The following UBAP2L variants were observed in gnomAD, a reference collection of about 807,000 sequenced individuals.
UBAP2L encodes the protein ubiquitin associated protein 2 like, also known as ubiquitin-associated protein 2-like.
In UBAP2L, 12 loss-of-function variants were observed where a neutral mutation model predicts 130.6. The observed-to-expected ratio is 0.09, with a 90% CI of 0.06 to 0.15. UBAP2L has a LOEUF of 0.15. Ranked by LOEUF, UBAP2L falls within the 10% of genes least tolerant of loss-of-function variation. The pLI, the probability that UBAP2L is intolerant of heterozygous loss-of-function variation, is 1.00. For missense variants in UBAP2L, 965 were observed against 1,332.5 expected (o/e 0.72, Z 4.29); for synonymous variants, 503 against 524.7 (o/e 0.96, Z 0.57).
intron 8 of UBAP2L, 68 bp downstream of exon 8, chr1:154,237,204 C>T (rs1352136675): frequency 2.9e-6 from 4 of 1,391,652 alleles, no homozygotes; most frequent in South Asian, 1.2e-5. Flanking sequence ...TCTGATTATA[C>T]TTACATTAAA....
chr1:154,271,200 A>G, downstream of UBAP2L: 1 of 403,314 alleles, frequency 2.5e-6, no homozygotes, highest in Non-Finnish European at 4.4e-6. Context: ...AGGATCAAGA[A>G]GGAGCTGAGA....
At chr1:154,271,043 T>TATA, downstream of UBAP2L, 1 of 1,170,186 alleles carries the variant, frequency 8.5e-7, no homozygotes, top group Non-Finnish European at 1.2e-6. Flanking sequence ...TTGAGGGGAT[T>TATA]TCCTTCCCCT....
intron 8 of UBAP2L, among the ~76,000 whole-genome samples, chr1:154,238,763 CAGAG>C (rs1405269336): frequency 1.3e-5 from 2 of 151,844 alleles, no homozygotes; most frequent in African/African-American, 4.8e-5. Context: ...TTTTTTGAGA[CAGAG>C]TCTTGCTCTG....
chr1:154,250,897 A>T (rs1677393815), intron 12 of UBAP2L, 144 bp from the exon 13 acceptor site: 7 of 762,124 alleles, frequency 9.2e-6, no homozygotes, highest in Non-Finnish European at 1.4e-5. Flanking sequence ...CACCTATAGA[A>T]ATGAGATTAA....
chr1:154,230,460 G>C (rs1194620056), intron 4 of UBAP2L, among the ~76,000 whole-genome samples: 2 of 152,168 alleles, frequency 1.3e-5, no homozygotes, highest in African/African-American at 4.8e-5. Flanking sequence ...TGTTATCCTG[G>C]ATTAAATTTT....
chr1:154,265,398 C>G (rs924832055), intron 24 of UBAP2L, among the ~76,000 whole-genome samples: 1 of 152,128 alleles, frequency 6.6e-6, no homozygotes, highest in Non-Finnish European at 1.5e-5. Context: ...TGGGAAGGAT[C>G]CAAGGGCATA....
chr1:154,237,613 A>G (rs1045962621), intron 8 of UBAP2L, among the ~76,000 whole-genome samples: 1 of 152,222 alleles, frequency 6.6e-6, no homozygotes, highest in African/African-American at 2.4e-5. Flanking sequence ...AGTCCACACT[A>G]TCCATTTATT....
At chr1:154,246,502 T>G (rs1050347667) in intron 11 of UBAP2L, 127 bp downstream of exon 11, 1 of 1,091,558 alleles carries the variant, frequency 9.2e-7, no homozygotes, top group Non-Finnish European at 1.3e-6. Flanking sequence ...TTAAGCAGAC[T>G]TGGTTGTAGA....
At chr1:154,221,010 GGCGGCGGCAGCGGCAGC>G in intron 1 of UBAP2L, 35 bp downstream of exon 1, 1 of 199,498 alleles carries the variant, frequency 5.0e-6, no homozygotes, top group Non-Finnish European at 1.0e-5. Context: ...TGGCGGCGGC[GGCGGCGGCAGCGGCAGC>G]GCGGCGGGGC....
rs568798319 is a variant in UBAP2L at position 154,254,627 on chromosome 1, G to T, written c.1855-209G>T. The T allele has an allele frequency of 1.8e-4, 106 of 594,138 alleles. 2 individuals are homozygous for T. In the South Asian group the frequency reaches 1.9e-3, roughly 11 times the overall value. 36.8% of individuals were successfully genotyped at this position (594,138 alleles called of 1,614,324 possible). A position where few individuals can be genotyped will look rare whatever the true frequency, so the allele number is the denominator to read the frequency against. On this transcript the variant is annotated intron_variant, in intron 15 of 26. Transcript: ENST00000428931. Reference sequence around the variant, plus strand: ...CTTCTTTTGCTTTTGGTCACACAGTGTTGGTATATCTCAGTTTTGTTGTTT... The same window carrying T: ...CTTCTTTTGCTTTTGGTCACACAGTTTTGGTATATCTCAGTTTTGTTGTTT...
At chr1:154,263,361 C>T in intron 24 of UBAP2L, 1 of 1,386,598 alleles carries the variant, frequency 7.2e-7, no homozygotes, top group Non-Finnish European at 9.3e-7. Flanking sequence ...CCTGTCTTAC[C>T]CATTTCAAGT....
intron 14 of UBAP2L, among the ~76,000 whole-genome samples, chr1:154,252,227 G>A (rs948781063): frequency 2.7e-5 from 4 of 150,236 alleles, no homozygotes; most frequent in East Asian, 2.0e-4. Flanking sequence ...TACCCACCTC[G>A]GCCTCCCAAA....
At chr1:154,250,249 G>GT (rs1677075702) in intron 12 of UBAP2L, among the ~76,000 whole-genome samples, 1 of 152,078 alleles carries the variant, frequency 6.6e-6, no homozygotes, top group South Asian at 2.1e-4. Context: ...GTAGAGATGG[G>GT]TTTTCACCGT....
At chr1:154,257,773 G>A in intron 20 of UBAP2L, 1 of 318,936 alleles carries the variant, frequency 3.1e-6, no homozygotes, top group South Asian at 3.4e-5. Context: ...ATACTAAACT[G>A]AGGCCAACCC....
intron 25 of UBAP2L, among the ~76,000 whole-genome samples, chr1:154,267,654 A>G (rs1683683105): frequency 6.7e-6 from 1 of 149,778 alleles, no homozygotes; most frequent in African/African-American, 2.5e-5. Context: ...TTTGTTTTGT[A>G]TTTTGTATTT....
At chr1:154,246,493 T>A in intron 11 of UBAP2L, 118 bp downstream of exon 11, 1 of 1,171,116 alleles carries the variant, frequency 8.5e-7, no homozygotes, top group Non-Finnish European at 1.2e-6. Context: ...TTTGTCTTCT[T>A]AAGCAGACTT....
rs748045080 is a variant in UBAP2L, at chr1:154,254,850, T to C, written c.1869T>C (p.Ser623=). Reference sequence around the variant, plus strand: ...TTTTTTACCAGAATGGCTTCAGTTCTGTGCAGGCCACGCAGTTACAGACCA... The same window carrying C: ...TTTTTTACCAGAATGGCTTCAGTTCCGTGCAGGCCACGCAGTTACAGACCA... ...DLTQAKNGFS[S]VQATQLQTTQ... is the part of the protein sequence containing the mutation. Residue 623 remains serine, a synonymous_variant, in exon 16 of 27, where the codon TCT becomes TCC. Transcript: ENST00000428931. The C allele has an allele frequency of 1.9e-6, 3 of 1,604,742 alleles. No individual in the cohort carries two copies. Among genetic ancestry groups the C allele is most frequent in the Admixed American group, 1.7e-5 (1 of 58,366 alleles).
At chr1:154,220,190 G>T, upstream of UBAP2L, 2 of 1,000,990 alleles carry the variant, frequency 2.0e-6, no homozygotes, top group South Asian at 2.8e-5. Flanking sequence ...CCGACTAAGT[G>T]ACTTAAACTC....
chr1:154,257,000 T>C, intron 18 of UBAP2L, 63 bp from the exon 19 acceptor site: 1 of 1,545,996 alleles, frequency 6.5e-7, no homozygotes, highest in Non-Finnish European at 8.7e-7. Flanking sequence ...TTGTCTTATT[T>C]TTCCTGACCT....
Sources: allele counts gnomAD v4.1 joint callset (sites outside exome capture counted in the v4.1 genomes callset), GRCh38; gene constraint gnomAD v4.1.1; transcripts MANE v1.5; gene names NCBI Gene and HGNC (gene_info 2026-07-23, HGNC 2026-07-21).